Variants in FBRS observed in about 807,000 individuals in gnomAD.
The protein encoded by FBRS is fibrosin.
In FBRS, 15 loss-of-function variants were observed where a neutral mutation model predicts 86.1. The observed-to-expected ratio is 0.17, with a 90% CI of 0.12 to 0.27. The LOEUF (loss-of-function observed/expected upper bound fraction) is 0.27, where lower values mean the gene tolerates loss of function less well. FBRS is among the 10% of genes least tolerant of loss of function. FBRS has a pLI of 1.00. For missense variants in FBRS, 1,367 were observed against 1,301.6 expected, an observed-to-expected ratio of 1.05 and a Z score of -0.77; for synonymous variants, 666 against 575.8, an observed-to-expected ratio of 1.16 and a Z score of -2.24.
chr16:30,665,271 A>AC lies in FBRS; in HGVS notation c.1609-30dup. 6.5e-7 allele frequency: 1 copy of AC among 1,544,238 alleles called. No individual in the cohort carries two copies. Among genetic ancestry groups the AC allele is most frequent in the African/African-American group, 1.4e-5 (1 of 72,418 alleles). On this transcript the variant is annotated intron_variant, in intron 9 of 17. Transcript: ENST00000356166. This position sits in a 1 kb window ranked among gnomAD's most constrained non-coding sequence, Gnocchi z 4.1. ...CAGGCTGGACTTGGGCTGCGCCTCC[A>AC]CCCCCACCTGTACTAGTCCCCCTTC...
chr16:30,663,550 G>GA (rs2052485481), intron 6 of FBRS, among the ~76,000 whole-genome samples: 2 of 151,856 alleles, frequency 1.3e-5, no homozygotes, highest in Non-Finnish European at 2.9e-5. Context: ...GTTCTTAAAA[G>GA]AAGCCATTGA....
Position 30,667,638 on chromosome 16 carries a change from G to T in FBRS, c.2074+16G>T, listed in dbSNP as rs3747482. The T allele has an allele frequency of 1.6e-5, 24 of 1,485,634 alleles. No homozygotes were observed. Among genetic ancestry groups the T allele is most frequent in the East Asian group, 7.4e-5 (3 of 40,296 alleles). 92.0% of individuals were successfully genotyped at this position (1,485,634 alleles called of 1,614,324 possible). On this transcript the variant is annotated intron_variant, in intron 15 of 17. Transcript: ENST00000356166. ...ACCCACATTGGTAAGAGCCAAGGGC[G>T]TGTTGGGCAACCCAGGCTTTGTCCC...
chr16:30,659,594 C>T lies in FBRS; in HGVS notation c.76C>T (p.Arg26Cys), dbSNP rs1428396060. 3 of 361,602 alleles carry T rather than the reference C, an allele frequency of 8.3e-6. No homozygotes were observed. Among genetic ancestry groups the T allele is most frequent in the Non-Finnish European group, 1.5e-5 (3 of 204,132 alleles). The allele number at this position is 361,602 out of a possible 1,614,324, so 22.4% of individuals were successfully genotyped here. ...GGAGCGCCGACGGCGGCGCTGCTCG[C>T]GCCGAGACCGAGACCGGGAGCAGCG... ...EGERRRRRCS[R>C]RDRDREQRRR... is the part of the protein sequence containing the mutation. Residue 26 changes from arginine (R) to cysteine (C), a missense_variant, in exon 1 of 18, where the codon CGC (arginine) becomes TGC (cysteine). Around this residue, in one of 3 missense-constraint regions of FBRS, gnomAD observed 702 missense variants for 598.7 expected, o/e 1.17. Transcript: ENST00000356166.
intron 16 of FBRS, 37 bp downstream of exon 16, chr16:30,668,680 C>A: frequency 6.3e-7 from 1 of 1,588,748 alleles, no homozygotes; most frequent in Non-Finnish European, 8.6e-7. Flanking sequence ...GGGCTGCGGC[C>A]ACAGGGTGAG....
In FBRS at chr16:30,658,802, G is replaced by A. The variant is rs1209689098; in HGVS notation, c.-717G>A. On this transcript the variant is annotated 5_prime_UTR_variant, in exon 1 of 18. Coordinates refer to ENST00000356166, the MANE Select transcript of FBRS (RefSeq NM_001105079.3). ...CTTAAAGGGGTGGCCACTGAACTCG[G>A]CGGACTGCAACGCCAGCCTTAAAGG... The A allele has an allele frequency of 6.6e-6, 1 of 152,174 alleles. No individual in the cohort carries two copies. Among genetic ancestry groups the A allele is most frequent in the Non-Finnish European group, 1.5e-5 (1 of 68,050 alleles). The allele number at this position is 152,174 out of a possible 1,614,324, so 9.4% of individuals were successfully genotyped here. A position where few individuals can be genotyped will look rare whatever the true frequency, so the allele number is the denominator to read the frequency against.
intron 11 of FBRS, 122 bp from the exon 12 acceptor site, chr16:30,666,390 G>A: frequency 8.2e-7 from 1 of 1,216,060 alleles, no homozygotes; most frequent in Non-Finnish European, 1.2e-6. Context: ...TGAGCAGGAA[G>A]GGTTTGAGGG....
At chr16:30,663,885 G>A (rs550769761) in intron 6 of FBRS, among the ~76,000 whole-genome samples, 1 of 152,300 alleles carries the variant, frequency 6.6e-6, no homozygotes, top group East Asian at 1.9e-4. Context: ...TGTAGGGTGG[G>A]ACCCCAGGTG....
intron 2 of FBRS, 173 bp downstream of exon 2, chr16:30,660,615 T>C: frequency 9.1e-7 from 1 of 1,095,592 alleles, no homozygotes; most frequent in Non-Finnish European, 1.2e-6. Context: ...CTGTCTACAG[T>C]CAGGTGCACC....
rs755290850 is a variant in FBRS, at chr16:30,668,859, G to A, written c.2246G>A (p.Arg749His). Residue 749 changes from arginine (R) to histidine (H), a missense_variant, in exon 17 of 18, where the codon CGC becomes CAC. Arg to His is a conservative substitution (Grantham distance 29). Transcript: ENST00000356166. The part of the protein sequence containing the change: ...SPPDPWGRLH[R>H]SPLTFPAWVR... ...CCGGACCCATGGGGCCGCCTGCACC[G>A]CAGTCCTCTGACCTTTCCTGCCTGG... 1.3e-5 allele frequency: 21 copies of A among 1,589,570 alleles called. 1 individual carries two copies. Among genetic ancestry groups the A allele is most frequent in the African/African-American group, 4.0e-5 (3 of 74,518 alleles).
At position 30,665,678 on chromosome 16, in the gene FBRS, C is replaced by T. The variant is rs766866704; in HGVS notation, c.1745C>T (p.Pro582Leu). The change falls in exon 11 of 18, where the codon CCG becomes CTG. Residue 582 changes from proline to leucine, a missense_variant. Pro to Leu is a moderately conservative substitution (Grantham distance 98, BLOSUM62 -3). Around this residue, in one of 3 missense-constraint regions of FBRS, gnomAD observed 659 missense variants for 678.8 expected, o/e 0.97. Transcript: ENST00000356166. The surrounding 1 kb of genome is among the most constrained non-coding windows in gnomAD (Gnocchi z 4.1). ...PELPPRLGPV[P>L]SGLSQKGTQI... ...CTGCCACCACGACTGGGGCCGGTGCCGAGCGGGCTCTCCCAGAAGGGGACA... is the reference window on the plus strand; with the variant it reads ...CTGCCACCACGACTGGGGCCGGTGCTGAGCGGGCTCTCCCAGAAGGGGACA... The T allele has an allele frequency of 5.0e-6, 8 of 1,589,926 alleles. No homozygotes were observed. The highest frequency in any genetic ancestry group is 3.6e-5 in the Admixed American group (2 of 56,086).
At position 30,664,913 on chromosome 16, in the gene FBRS, C is replaced by T. The variant is rs763319344; in HGVS notation, c.1556C>T (p.Pro519Leu). Residue 519 changes from proline (P) to leucine (L), a missense_variant, in exon 8 of 18, where the codon CCC becomes CTC. By Grantham distance (98) the Pro-to-Leu change is moderately conservative. This residue lies in a region of FBRS where 659 missense variants were observed against 678.8 expected (regional missense o/e 0.97). Coordinates refer to ENST00000356166, the MANE Select transcript of FBRS (RefSeq NM_001105079.3). ...YPPGLLPPHG[P>L]HMFEKYPGKM... Reference sequence around the variant, plus strand: ...CCGGGCCTGCTGCCACCCCACGGCCCCCACATGGTGAGCTCCTCATTGGGC... The same window carrying T: ...CCGGGCCTGCTGCCACCCCACGGCCTCCACATGGTGAGCTCCTCATTGGGC... 2 of 1,610,820 alleles carry T rather than the reference C, an allele frequency of 1.2e-6. No individual in the cohort carries two copies. The highest frequency in any genetic ancestry group is 1.7e-6 in the Non-Finnish European group (2 of 1,178,440).
chr16:30,664,798 G>T lies in FBRS; in HGVS notation c.1441G>T (p.Ala481Ser). ...TGAGGTGGTGGGGGCAGGGGGCTCG[G>T]CCCGGCCCCTGGCCTTCCAGTTCCA... ...GPEVVGAGGS[A>S]RPLAFQFHQH... The change falls in exon 8 of 18, where the codon GCC becomes TCC. Residue 481 changes from alanine (A) to serine (S), a missense_variant. Around this residue, in one of 3 missense-constraint regions of FBRS, gnomAD observed 702 missense variants for 598.7 expected, o/e 1.17. Transcript: ENST00000356166. 2 of 1,554,914 alleles carry T rather than the reference G, an allele frequency of 1.3e-6. No individual in the cohort carries two copies. The highest frequency in any genetic ancestry group is 1.7e-6 in the Non-Finnish European group (2 of 1,148,852).
Position 30,667,697 on chromosome 16 carries a change from G to A in FBRS, c.2074+75G>A. The A allele has an allele frequency of 2.3e-6, 3 of 1,327,880 alleles. No homozygotes were observed. In the Middle Eastern group the frequency reaches 6.8e-4, roughly 301 times the overall value. 82.3% of individuals were successfully genotyped at this position (1,327,880 alleles called of 1,614,324 possible). ...AGGAGATGGAAATCAGACCCAGCAG[G>A]CAGCTGGAATGCAGGATAGACCTGG... On this transcript the variant is annotated intron_variant, in intron 15 of 17. Coordinates refer to ENST00000356166, the MANE Select transcript of FBRS (RefSeq NM_001105079.3).
In FBRS at chr16:30,664,355, C is replaced by T; in HGVS notation, c.1196C>T (p.Pro399Leu). ...LTHRPPTPSL[P>L]LPLSTHSFPP... ...CACCGGCCCCCGACGCCCTCACTGC[C>T]CCTGCCTTTGTCCACCCACAGCTTT... Residue 399 changes from proline (P) to leucine (L), a missense_variant, in exon 7 of 18, where the codon CCC (proline) becomes CTC (leucine). Physicochemically the swap from Pro to Leu is moderately conservative, Grantham distance 98 (BLOSUM62 -3). This residue lies in a region of FBRS where 702 missense variants were observed against 598.7 expected (regional missense o/e 1.17). Transcript: ENST00000356166. 6.5e-7 allele frequency: 1 copy of T among 1,540,056 alleles called. No homozygotes were observed. Among genetic ancestry groups the T allele is most frequent in the Non-Finnish European group, 8.8e-7 (1 of 1,140,100 alleles).
rs72793363 is a variant in FBRS, at chr16:30,660,257, C to T, written c.460-6C>T. The stretch of plus-strand genomic sequence containing the variant: ...ATCTATCTCAGCCCCACCTCCTCCT[C>T]CACAGAAGGATGCATCTCTTCAGCC... On this transcript the variant is annotated splice_polypyrimidine_tract_variant and splice_region_variant and intron_variant, in intron 1 of 17. Coordinates refer to ENST00000356166, the MANE Select transcript of FBRS (RefSeq NM_001105079.3). 0.053 allele frequency: 69,557 copies of T among 1,323,336 alleles called. 2,037 individuals are homozygous for T. The highest frequency in any genetic ancestry group is 0.14 in the Middle Eastern group (690 of 5,040). 82.0% of individuals were successfully genotyped at this position (1,323,336 alleles called of 1,614,324 possible).
intron 6 of FBRS, 57 bp downstream of exon 6, chr16:30,662,916 G>A: frequency 7.2e-7 from 1 of 1,391,970 alleles, no homozygotes; most frequent in Non-Finnish European, 9.4e-7. Context: ...TTTGGTGGCG[G>A]GGACACAGGA....
Position 30,667,241 on chromosome 16 carries a change from G to A in FBRS, c.1876-79G>A, listed in dbSNP as rs529792238. The A allele has an allele frequency of 4.9e-6, 6 of 1,234,132 alleles. No homozygotes were observed. The East Asian group carries it at 1.3e-4, about 26-fold the overall frequency. 76.4% of individuals were successfully genotyped at this position (1,234,132 alleles called of 1,614,324 possible). A position where few individuals can be genotyped will look rare whatever the true frequency, so the allele number is the denominator to read the frequency against. On this transcript the variant is annotated intron_variant, in intron 13 of 17. Transcript: ENST00000356166. The stretch of plus-strand genomic sequence containing the variant: ...ATCTGGGTGCCAGCCAGCCTTTGGA[G>A]GGGAACCACGGGTGAGAGAGCAAGA...
Position 30,659,626 on chromosome 16 carries a change from C to T in FBRS, c.108C>T (p.Arg36=). The T allele has an allele frequency of 2.5e-6, 1 of 402,390 alleles. No homozygotes were observed. The highest frequency in any genetic ancestry group is 4.3e-6 in the Non-Finnish European group (1 of 231,344). 24.9% of individuals were successfully genotyped at this position (402,390 alleles called of 1,614,324 possible). ...RRDRDREQRR[R]RGPGGDAPRA... ...ACCGAGACCGGGAGCAGCGGCGCCG[C>T]CGAGGTCCAGGCGGCGACGCGCCCC... Residue 36 remains arginine, a synonymous_variant, in exon 1 of 18, where the codon CGC becomes CGT. Transcript: ENST00000356166.
chr16:30,660,418 G>C lies in FBRS; in HGVS notation c.615G>C (p.Trp205Cys). The change falls in exon 2 of 18, where the codon TGG becomes TGC. Residue 205 changes from tryptophan (W) to cysteine (C), a missense_variant. Around this residue, in one of 3 missense-constraint regions of FBRS, gnomAD observed 702 missense variants for 598.7 expected, o/e 1.17. Transcript: ENST00000356166. ...CCCCTGGGGATCGGGCCCGAAAATG[G>C]CCCAATAAGCGGAGAAGAAAAGAGG... Reference protein sequence around the residue: ...GRPPGDRARKWPNKRRRKEAS... With the variant: ...GRPPGDRARKCPNKRRRKEAS... 7.9e-7 allele frequency: 1 copy of C among 1,259,416 alleles called. No individual in the cohort carries two copies. The highest frequency in any genetic ancestry group is 3.9e-5 in the Admixed American group (1 of 25,538). The allele number at this position is 1,259,416 out of a possible 1,614,324, so 78.0% of individuals were successfully genotyped here.
Sources: allele counts gnomAD v4.1 joint callset (sites outside exome capture counted in the v4.1 genomes callset), GRCh38; gene constraint gnomAD v4.1.1; regional missense constraint gnomAD v4.1.1; non-coding constraint Gnocchi (gnomAD v3.1); transcripts MANE v1.5; gene names NCBI Gene and HGNC (gene_info 2026-07-23, HGNC 2026-07-21).